Variants in THSD4 observed in about 807,000 individuals in gnomAD.
THSD4 encodes thrombospondin type-1 domain-containing protein 4.
THSD4 carries 69 observed loss-of-function variants against 119.0 expected under a neutral mutation model. That is an observed-to-expected ratio of 0.58 (90% CI 0.48 to 0.71). The LOEUF is 0.71. Ranked by LOEUF, THSD4 falls within the 30% of genes least tolerant of loss-of-function variation. THSD4 has a pLI of 0.00. For synonymous variants in THSD4, 524 were observed against 540.4 expected (o/e 0.97, Z 0.42); for missense variants, 1,393 against 1,391.1 (o/e 1.00, Z -0.02).
At chr15:71,605,427 T>TATGATC (rs2050090794) in intron 7 of THSD4, among the ~76,000 whole-genome samples, 1 of 152,162 alleles carries the variant, frequency 6.6e-6, no homozygotes, top group African/African-American at 2.4e-5. Flanking sequence ...CTGGCTCTAA[T>TATGATC]ATGATCATTC....
At chr15:71,421,777 T>G (rs2046811945) in intron 7 of THSD4, among the ~76,000 whole-genome samples, 1 of 152,230 alleles carries the variant, frequency 6.6e-6, no homozygotes, top group African/African-American at 2.4e-5. Context: ...TGTCCTGTAC[T>G]TACTCTGGAA....
chr15:71,345,573 T>G (rs1191841048), intron 6 of THSD4, among the ~76,000 whole-genome samples: 1 of 152,216 alleles, frequency 6.6e-6, no homozygotes, highest in Non-Finnish European at 1.5e-5. Context: ...GGCAGATCTC[T>G]GGGGTGGCTT....
chr15:71,737,891 T>C lies in THSD4; in HGVS notation c.1790T>C (p.Phe597Ser). Residue 597 changes from phenylalanine to serine, a missense_variant, in exon 11 of 18, where the codon TTT (phenylalanine) becomes TCT (serine). Physicochemically the swap from Phe to Ser is radical, Grantham distance 155. Coordinates refer to ENST00000261862, the MANE Select transcript of THSD4 (RefSeq NM_024817.3). ...TTCCCAGTCAGGCATCCAGACAGAT[T>C]TTCTCCCCATCGACCGGACAACTTG... ...QTFPVRHPDR[F>S]SPHRPDNLVP... The C allele has an allele frequency of 1.9e-6, 3 of 1,614,180 alleles. No homozygotes were observed. The highest frequency in any genetic ancestry group is 2.5e-6 in the Non-Finnish European group (3 of 1,180,032).
At chr15:71,588,419 T>A (rs72739288) in intron 7 of THSD4, among the ~76,000 whole-genome samples, 9,791 of 151,422 alleles carry the variant, frequency 0.065, 344 homozygotes, top group Admixed American at 0.12. Context: ...TAATTTTTTT[T>A]AATTTATTTA....
At chr15:71,626,585 C>T (rs867937431) in intron 7 of THSD4, among the ~76,000 whole-genome samples, 27 of 152,248 alleles carry the variant, frequency 1.8e-4, no homozygotes, top group Non-Finnish European at 3.5e-4. Context: ...ATTTAAATTG[C>T]ATCTTTTGAG....
intron 6 of THSD4, among the ~76,000 whole-genome samples, chr15:71,337,560 A>C (rs1337848923): frequency 6.6e-6 from 1 of 152,222 alleles, no homozygotes; most frequent in Non-Finnish European, 1.5e-5. Context: ...AATAGCTAAA[A>C]GGTTTCCCAG....
At chr15:71,236,492 A>G (rs1309032350) in intron 4 of THSD4, among the ~76,000 whole-genome samples, 2 of 152,230 alleles carry the variant, frequency 1.3e-5, no homozygotes, top group Non-Finnish European at 2.9e-5. Context: ...TTCTGTTCCT[A>G]CATAGAAGGA....
chr15:71,393,002 C>T (rs1276650369), intron 6 of THSD4, among the ~76,000 whole-genome samples: 1 of 152,194 alleles, frequency 6.6e-6, no homozygotes, highest in East Asian at 1.9e-4. Context: ...CTTGCAGCCA[C>T]AAGGGAACCT....
chr15:71,626,604 A>G (rs1006817307), intron 7 of THSD4, among the ~76,000 whole-genome samples: 7 of 152,202 alleles, frequency 4.6e-5, no homozygotes, highest in Non-Finnish European at 8.8e-5. Context: ...AGATTCCCAT[A>G]TGATTTTTCT....
rs1379506089 is a variant in THSD4 at position 71,532,283 on chromosome 15, A to AGAGAGAGAGAGAGAGAGAGAGTGT, written c.1152+120461_1152+120462insAGAGAGAGAGAGAGAGAGAGTGTG. On this transcript the variant is annotated intron_variant, in intron 7 of 17. Transcript: ENST00000261862. ...AAGGGTGAGAGAGAGAGAGAGAGAG[A>AGAGAGAGAGAGAGAGAGAGAGTGT]GTGTGTGTGTGTGTGTGTGTGTGTG... Among the ~76,000 whole-genome samples the AGAGAGAGAGAGAGAGAGAGAGTGT allele has an allele frequency of 2.0e-3, 204 of 101,600 alleles. 1 individual carries two copies. Among genetic ancestry groups the AGAGAGAGAGAGAGAGAGAGAGTGT allele is most frequent in the Non-Finnish European group, 3.1e-3 (148 of 47,936 alleles). The allele number at this position is 101,600 out of a possible 152,430, so 66.7% of individuals were successfully genotyped here.
intron 7 of THSD4, among the ~76,000 whole-genome samples, chr15:71,587,787 TA>T (rs1207231444): frequency 1.9e-5 from 2 of 105,552 alleles, no homozygotes; most frequent in African/African-American, 7.2e-5. Flanking sequence ...AAAAAAAAAT[TA>T]AAAAAAAAAA....
intron 5 of THSD4, among the ~76,000 whole-genome samples, chr15:71,255,718 C>T (rs2044307708): frequency 6.6e-6 from 1 of 152,190 alleles, no homozygotes; most frequent in African/African-American, 2.4e-5. Flanking sequence ...ATCCAGGCCC[C>T]ACACCTCACT....
intron 15 of THSD4, among the ~76,000 whole-genome samples, chr15:71,763,672 T>C (rs984833837): frequency 6.6e-6 from 1 of 151,990 alleles, no homozygotes; most frequent in African/African-American, 2.4e-5. Flanking sequence ...CTCAGCCTCC[T>C]GACCCCAGGC....
At chr15:71,442,575 A>AT (rs1330336577) in intron 7 of THSD4, among the ~76,000 whole-genome samples, 1 of 62,010 alleles carries the variant, frequency 1.6e-5, no homozygotes, top group African/African-American at 5.6e-5. Flanking sequence ...TCTCAAAAAA[A>AT]AAAAATATAT....
At chr15:71,468,892 C>G (rs2140634837) in intron 7 of THSD4, among the ~76,000 whole-genome samples, 1 of 152,350 alleles carries the variant, frequency 6.6e-6, no homozygotes, top group Non-Finnish European at 1.5e-5. Context: ...ACTTCTGCTC[C>G]CATCCTATTT....
In THSD4 at chr15:71,172,727, A is replaced by G. The variant is rs1387472856; in HGVS notation, c.99+17795A>G. On this transcript the variant is annotated intron_variant, in intron 3 of 17. Transcript: ENST00000261862. ...TATATATATATATATATATATATAT[A>G]TATATATGTGGACAATTGATTTTTT... is the stretch of plus-strand genomic sequence containing the variant. Among the ~76,000 whole-genome samples, 147 of 105,062 alleles carry G rather than the reference A, an allele frequency of 1.4e-3. 4 individuals are homozygous for G. The highest frequency in any genetic ancestry group is 5.7e-3 in the African/African-American group (123 of 21,690). 68.9% of individuals were successfully genotyped at this position (105,062 alleles called of 152,430 possible).
At chr15:71,398,848 G>A (rs1165120506) in intron 6 of THSD4, among the ~76,000 whole-genome samples, 1 of 152,026 alleles carries the variant, frequency 6.6e-6, no homozygotes. Flanking sequence ...AGGAGACAGG[G>A]GCATGGTGTT....
chr15:71,395,618 A>G (rs1262660375), intron 6 of THSD4, among the ~76,000 whole-genome samples: 1 of 152,042 alleles, frequency 6.6e-6, no homozygotes, highest in Non-Finnish European at 1.5e-5. Context: ...GTGCATGCCT[A>G]TAATCCCAGC....
At chr15:71,407,598 T>TTC (rs1466801350) in intron 6 of THSD4, among the ~76,000 whole-genome samples, 2 of 151,202 alleles carry the variant, frequency 1.3e-5, no homozygotes, top group African/African-American at 4.9e-5. Context: ...TCACCAGCAT[T>TTC]TTTTTTTTTC....
Sources: gnomAD v4.1 joint callset for allele counts (sites outside exome capture counted in the v4.1 genomes callset) on GRCh38, gnomAD v4.1.1 for gene constraint, MANE v1.5 for transcripts, NCBI Gene and HGNC (gene_info 2026-07-23, HGNC 2026-07-21) for gene names.